Variants in FGF14 observed in about 807,000 individuals in gnomAD.
The protein encoded by FGF14 is fibroblast growth factor 14, also known as fibroblast growth factor homologous factor 4.
Under a neutral mutation model 25.5 loss-of-function variants are expected in FGF14, and 5 were observed. That is an observed-to-expected ratio of 0.20 (90% confidence interval 0.10 to 0.41). The LOEUF is 0.41. Among genes scored for constraint, FGF14 ranks in the 10% least tolerant of loss-of-function variants. The pLI, the probability that FGF14 is intolerant of heterozygous loss-of-function variation, is 1.00. For missense variants in FGF14, 222 were observed against 320.1 expected (o/e 0.69, Z 2.34); for synonymous variants, 138 against 118.3 (o/e 1.17, Z -1.08).
At chr13:102,102,151 C>A (rs891855488) in intron 1 of FGF14, among the ~76,000 whole-genome samples, 3 of 152,174 alleles carry the variant, frequency 2.0e-5, no homozygotes, top group African/African-American at 7.2e-5. Context: ...CACAAATGAT[C>A]ATATATGTAT....
At chr13:102,085,493 A>T (rs2607647) in intron 1 of FGF14, among the ~76,000 whole-genome samples, 136,287 of 152,248 alleles carry the variant, frequency 0.9, 61,143 homozygotes, top group East Asian at 1. Context: ...GTGATGTCAA[A>T]CAATTTTCTG....
At chr13:102,042,924 G>A (rs908598822) in intron 1 of FGF14, among the ~76,000 whole-genome samples, 19 of 152,256 alleles carry the variant, frequency 1.2e-4, no homozygotes, top group African/African-American at 4.3e-4. Context: ...AGTGTCAGTA[G>A]CAAACCTCCA....
At chr13:102,290,829 C>T (rs60062787) in intron 1 of FGF14, among the ~76,000 whole-genome samples, 5,973 of 152,214 alleles carry the variant, frequency 0.039, 387 homozygotes, top group African/African-American at 0.13. Context: ...TTTCACCCTA[C>T]GCAGTTGTCA....
intron 1 of FGF14, among the ~76,000 whole-genome samples, chr13:101,947,540 A>C (rs983200117): frequency 2.0e-5 from 3 of 152,234 alleles, no homozygotes; most frequent in African/African-American, 7.2e-5. Context: ...TTGCAGCAAC[A>C]TGGATGCAGC....
intron 1 of FGF14, among the ~76,000 whole-genome samples, chr13:102,132,738 C>T (rs1365032671): frequency 6.6e-6 from 1 of 152,050 alleles, no homozygotes; most frequent in African/African-American, 2.4e-5. Context: ...CCAGGCTGGC[C>T]TCGAACTCCT....
At chr13:102,007,726 TC>T (rs2039879663) in intron 1 of FGF14, among the ~76,000 whole-genome samples, 1 of 152,218 alleles carries the variant, frequency 6.6e-6, no homozygotes, top group Non-Finnish European at 1.5e-5. Flanking sequence ...CCTCTGATTT[TC>T]ATCAAAATAA....
At chr13:101,850,458 G>T (rs2043711871) in intron 3 of FGF14, among the ~76,000 whole-genome samples, 2 of 41,056 alleles carry the variant, frequency 4.9e-5, no homozygotes, top group African/African-American at 9.6e-5. Flanking sequence ...TGTCTCTAAA[G>T]GCAATATATA....
At chr13:101,970,963 T>C (rs1020909871) in intron 1 of FGF14, among the ~76,000 whole-genome samples, 5 of 152,312 alleles carry the variant, frequency 3.3e-5, no homozygotes, top group African/African-American at 1.2e-4. Context: ...GGCCCTTCTC[T>C]GAGTCTCATA....
At chr13:101,801,856 T>C in intron 3 of FGF14, 1 of 305,658 alleles carries the variant, frequency 3.3e-6, no homozygotes, top group South Asian at 3.8e-5. Context: ...ACTGCCCAGA[T>C]TAGCAAAACA....
At chr13:102,318,773 C>T (rs2056131243) in intron 1 of FGF14, among the ~76,000 whole-genome samples, 1 of 152,138 alleles carries the variant, frequency 6.6e-6, no homozygotes, top group Admixed American at 6.5e-5. Flanking sequence ...GGGATTAGGA[C>T]TTCAGCACAT....
At chr13:102,394,526 A>T (rs990886047) in intron 1 of FGF14, 1 of 152,318 alleles carries the variant, frequency 6.6e-6, no homozygotes, top group Non-Finnish European at 1.5e-5. Flanking sequence ...CAACAACAGC[A>T]CAAGCTGCCG....
chr13:102,087,042 G>A (rs2043939454), intron 1 of FGF14, among the ~76,000 whole-genome samples: 1 of 152,156 alleles, frequency 6.6e-6, no homozygotes, highest in Non-Finnish European at 1.5e-5. Context: ...CAAGAAACCA[G>A]TCATTAGGAC....
At chr13:101,832,930 G>A (rs1241718406) in intron 3 of FGF14, among the ~76,000 whole-genome samples, 2 of 151,964 alleles carry the variant, frequency 1.3e-5, no homozygotes, top group Non-Finnish European at 2.9e-5. Flanking sequence ...ATTCTTCTGT[G>A]GTTTTCTCAC....
chr13:102,253,712 T>G (rs1428327321), intron 1 of FGF14, among the ~76,000 whole-genome samples: 1 of 152,226 alleles, frequency 6.6e-6, no homozygotes. Context: ...GTACTCTTAC[T>G]CTTTATGGGT....
chr13:101,981,241 T>C (rs1042940359), intron 1 of FGF14, among the ~76,000 whole-genome samples: 4 of 151,460 alleles, frequency 2.6e-5, no homozygotes, highest in South Asian at 2.1e-4. Flanking sequence ...GATTGCGTCA[T>C]TGCACTCCAG....
chr13:102,219,388 T>C (rs559460305), intron 1 of FGF14, among the ~76,000 whole-genome samples: 1 of 152,262 alleles, frequency 6.6e-6, no homozygotes, highest in South Asian at 2.1e-4. Context: ...GAAGGACTTC[T>C]TCACCCAGGA....
At chr13:102,154,657 C>T (rs950796716) in intron 1 of FGF14, among the ~76,000 whole-genome samples, 1 of 152,082 alleles carries the variant, frequency 6.6e-6, no homozygotes, top group African/African-American at 2.4e-5. Flanking sequence ...ATCAAATTCA[C>T]ACATAACAAT....
intron 1 of FGF14, among the ~76,000 whole-genome samples, chr13:102,187,870 C>G (rs182582039): frequency 5.3e-5 from 8 of 152,248 alleles, no homozygotes; most frequent in African/African-American, 1.9e-4. Context: ...GCACAATCCA[C>G]ACAGAAAGTA....
intron 1 of FGF14, among the ~76,000 whole-genome samples, chr13:102,151,717 G>T (rs2047094297): frequency 1.3e-5 from 2 of 152,080 alleles, no homozygotes; most frequent in South Asian, 4.1e-4. Context: ...GGCAAGGCTG[G>T]TCTCGAACTG....
Sources: gnomAD v4.1 joint callset for allele counts (sites outside exome capture counted in the v4.1 genomes callset) on GRCh38, gnomAD v4.1.1 for gene constraint, MANE v1.5 for transcripts, NCBI Gene and HGNC (gene_info 2026-07-23, HGNC 2026-07-21) for gene names.